Variants in STXBP5L observed in about 807,000 individuals in gnomAD.
The protein encoded by STXBP5L is syntaxin binding protein 5L, also known as syntaxin-binding protein 5-like.
A neutral mutation model predicts 144.5 loss-of-function variants in STXBP5L; 65 were observed. That is an observed-to-expected ratio of 0.45 (90% CI 0.37 to 0.55). The LOEUF is 0.55. Among genes scored for constraint, STXBP5L ranks in the 20% least tolerant of loss-of-function variants. The pLI, the probability that STXBP5L is intolerant of heterozygous loss-of-function variation, is 0.00. For synonymous variants in STXBP5L, 505 were observed against 469.6 expected, an observed-to-expected ratio of 1.08 and a Z score of -0.97; for missense variants, 1,298 against 1,405.5, an observed-to-expected ratio of 0.92 and a Z score of 1.22.
chr3:121,322,667 T>TTGTG (rs548957313), intron 20 of STXBP5L, among the ~76,000 whole-genome samples: 2 of 150,562 alleles, frequency 1.3e-5, no homozygotes, highest in African/African-American at 4.9e-5. Flanking sequence ...CTATTTCTTT[T>TTGTG]TGTGTGTGTG....
intron 14 of STXBP5L, among the ~76,000 whole-genome samples, chr3:121,249,148 GT>G (rs993969484): frequency 8.6e-5 from 13 of 151,272 alleles, no homozygotes; most frequent in African/African-American, 2.7e-4. Context: ...ATTTTGAATA[GT>G]TTTTTTTTCT....
At chr3:120,935,158 T>A (rs1710198385) in intron 2 of STXBP5L, among the ~76,000 whole-genome samples, 1 of 151,854 alleles carries the variant, frequency 6.6e-6, no homozygotes, top group South Asian at 2.1e-4. Context: ...TTATTAATTC[T>A]ACTTATTTTT....
chr3:121,229,416 A>G (rs908415501), intron 11 of STXBP5L, among the ~76,000 whole-genome samples: 1 of 152,152 alleles, frequency 6.6e-6, no homozygotes, highest in Non-Finnish European at 1.5e-5. Flanking sequence ...CATACTTTAT[A>G]TACAGAATTA....
At chr3:121,348,917 T>A (rs1045590736) in intron 20 of STXBP5L, among the ~76,000 whole-genome samples, 1 of 152,120 alleles carries the variant, frequency 6.6e-6, no homozygotes, top group African/African-American at 2.4e-5. Context: ...AACTCCTGGA[T>A]TCATTGATTT....
At chr3:120,980,223 C>T (rs774567447) in intron 3 of STXBP5L, among the ~76,000 whole-genome samples, 1 of 152,098 alleles carries the variant, frequency 6.6e-6, no homozygotes, top group Admixed American at 6.6e-5. Flanking sequence ...TTGTAAATTT[C>T]TATCTGTTCT....
In STXBP5L at chr3:121,421,299, C is replaced by A. The variant is rs2047348344; in HGVS notation, c.*2202C>A. 1 of 151,962 alleles carries A rather than the reference C, an allele frequency of 6.6e-6. No individual in the cohort carries two copies. The highest frequency in any genetic ancestry group is 1.5e-5 in the Non-Finnish European group (1 of 67,984). 9.4% of individuals were successfully genotyped at this position (151,962 alleles called of 1,614,324 possible). A position where few individuals can be genotyped will look rare whatever the true frequency, so the allele number is the denominator to read the frequency against. On this transcript the variant is annotated 3_prime_UTR_variant, in exon 27 of 27. Transcript: ENST00000471454. ...GTACATTTGATGAGTATTTCTGAAG[C>A]CTTCAATAAGATTTAACTTGTTTTA...
At chr3:121,210,751 T>C (rs1397936075) in intron 10 of STXBP5L, among the ~76,000 whole-genome samples, 4 of 152,240 alleles carry the variant, frequency 2.6e-5, no homozygotes, top group Admixed American at 6.5e-5. Context: ...AGATGTGTGG[T>C]ATTATTTCTG....
intron 5 of STXBP5L, among the ~76,000 whole-genome samples, chr3:121,093,449 C>T (rs988384689): frequency 6.6e-6 from 1 of 152,062 alleles, no homozygotes; most frequent in Admixed American, 6.6e-5. Context: ...ACAATTTCAG[C>T]TCCTGTTATT....
chr3:121,204,596 T>G (rs1246937835), intron 9 of STXBP5L, among the ~76,000 whole-genome samples: 1 of 152,156 alleles, frequency 6.6e-6, no homozygotes, highest in Non-Finnish European at 1.5e-5. Flanking sequence ...CATGTAAACT[T>G]CTATGTAATA....
chr3:121,075,015 A>C (rs183569663), intron 5 of STXBP5L, among the ~76,000 whole-genome samples: 4 of 152,244 alleles, frequency 2.6e-5, no homozygotes, highest in African/African-American at 4.8e-5. Flanking sequence ...CATAAAGTCC[A>C]CTTTTTGGCC....
At chr3:121,168,201 G>T (rs749875138) in intron 9 of STXBP5L, among the ~76,000 whole-genome samples, 6 of 151,978 alleles carry the variant, frequency 3.9e-5, no homozygotes, top group Non-Finnish European at 7.4e-5. Flanking sequence ...AAGACCAAAG[G>T]TAGATAAATC....
intron 3 of STXBP5L, among the ~76,000 whole-genome samples, chr3:121,016,357 A>C (rs1945146859): frequency 1.3e-5 from 2 of 152,192 alleles, no homozygotes; most frequent in Admixed American, 1.3e-4. Context: ...GATTAGACAA[A>C]ATGTATACAG....
chr3:121,152,138 G>A (rs1016497545), intron 7 of STXBP5L, among the ~76,000 whole-genome samples: 1 of 151,840 alleles, frequency 6.6e-6, no homozygotes, highest in Non-Finnish European at 1.5e-5. Flanking sequence ...CATATACATA[G>A]TTCATTAATC....
At chr3:121,343,645 A>C (rs1440254681) in intron 20 of STXBP5L, among the ~76,000 whole-genome samples, 1 of 152,164 alleles carries the variant, frequency 6.6e-6, no homozygotes, top group Non-Finnish European at 1.5e-5. Flanking sequence ...ACACCCATTC[A>C]CAATTGCTTC....
At chr3:121,397,832 T>C (rs1281238939) in intron 22 of STXBP5L, among the ~76,000 whole-genome samples, 1 of 140,458 alleles carries the variant, frequency 7.1e-6, no homozygotes, top group South Asian at 2.3e-4. Flanking sequence ...TATAACTACT[T>C]TGATATACAT....
chr3:120,917,506 G>T (rs1256269767), intron 2 of STXBP5L, among the ~76,000 whole-genome samples: 1 of 152,116 alleles, frequency 6.6e-6, no homozygotes, highest in Non-Finnish European at 1.5e-5. Flanking sequence ...GGGAATGGTA[G>T]GGTGGGGAAT....
At chr3:120,913,180 C>G (rs1380303142) in intron 2 of STXBP5L, among the ~76,000 whole-genome samples, 1 of 151,958 alleles carries the variant, frequency 6.6e-6, no homozygotes, top group African/African-American at 2.4e-5. Context: ...AAAAATCTGT[C>G]ACTGCCGTTA....
chr3:121,208,308 G>A (rs762017738), intron 10 of STXBP5L, among the ~76,000 whole-genome samples: 2 of 133,794 alleles, frequency 1.5e-5, no homozygotes, highest in Non-Finnish European at 3.1e-5. Flanking sequence ...CCAGGAAGGG[G>A]AACATCACAC....
chr3:121,251,129 CT>C (rs1370092263), intron 15 of STXBP5L, among the ~76,000 whole-genome samples: 6 of 152,102 alleles, frequency 3.9e-5, no homozygotes, highest in South Asian at 2.1e-4. Context: ...CTAGTCTTCA[CT>C]TTTTTTTCCC....
Sources: gnomAD v4.1 joint callset for allele counts (sites outside exome capture counted in the v4.1 genomes callset) on GRCh38, gnomAD v4.1.1 for gene constraint, MANE v1.5 for transcripts, NCBI Gene and HGNC (gene_info 2026-07-23, HGNC 2026-07-21) for gene names.